Variants in RAD51B observed in about 807,000 individuals in gnomAD.
RAD51B encodes the protein DNA repair protein RAD51 homolog 2.
In RAD51B, 38 loss-of-function variants were observed where a neutral mutation model predicts 42.2. That is an observed-to-expected ratio of 0.90 (90% CI 0.70 to 1.18). RAD51B has a LOEUF of 1.18. Ranked by LOEUF, RAD51B falls within the 50% of genes most tolerant of loss-of-function variation. The probability of loss-of-function intolerance (pLI) is 0.00; values close to 1 mark genes in which losing one functional copy is unlikely to be tolerated. For synonymous variants in RAD51B, 154 were observed against 145.2 expected, an observed-to-expected ratio of 1.06 and a Z score of -0.43; for missense variants, 373 against 400.7, an observed-to-expected ratio of 0.93 and a Z score of 0.59.
intron 7 of RAD51B, among the ~76,000 whole-genome samples, chr14:68,219,362 A>G (rs1026529631): frequency 6.6e-6 from 1 of 152,168 alleles, no homozygotes; most frequent in African/African-American, 2.4e-5. Flanking sequence ...TGAAAGTGTC[A>G]CCTTCTAGCC....
intron 7 of RAD51B, among the ~76,000 whole-genome samples, chr14:67,940,344 C>G (rs2045154686): frequency 6.6e-6 from 1 of 151,696 alleles, no homozygotes; most frequent in African/African-American, 2.4e-5. Context: ...CCCAAAAGTG[C>G]TGGGATTACA....
At chr14:67,851,414 A>C (rs1302836346) in intron 4 of RAD51B, among the ~76,000 whole-genome samples, 1 of 152,080 alleles carries the variant, frequency 6.6e-6, no homozygotes. Flanking sequence ...GGTTTTCGAC[A>C]GGGCTTTGGG....
intron 8 of RAD51B, among the ~76,000 whole-genome samples, chr14:68,352,167 GATAA>G (rs1379290866): frequency 6.6e-6 from 1 of 152,162 alleles, no homozygotes; most frequent in Non-Finnish European, 1.5e-5. Context: ...CATAAAAGTG[GATAA>G]ATAAATATAA....
intron 7 of RAD51B, among the ~76,000 whole-genome samples, chr14:68,026,494 G>T (rs1450290761): frequency 6.6e-6 from 1 of 151,538 alleles, no homozygotes; most frequent in South Asian, 2.1e-4. Context: ...CTTTTCATAG[G>T]TCAAGAAGAA....
At chr14:68,682,880 T>A (rs1893462532) in intron 11 of RAD51B, 2 of 925,112 alleles carry the variant, frequency 2.2e-6, no homozygotes, top group Admixed American at 1.2e-4. Context: ...CAAGGCTTTT[T>A]TTTTTTTAAT....
chr14:68,523,225 A>G (rs1886700935), intron 10 of RAD51B, among the ~76,000 whole-genome samples: 1 of 152,178 alleles, frequency 6.6e-6, no homozygotes. Context: ...ACCAGGCATG[A>G]GGGCAGAGGA....
intron 7 of RAD51B, among the ~76,000 whole-genome samples, chr14:68,215,859 G>C (rs1480202179): frequency 6.6e-6 from 1 of 152,262 alleles, no homozygotes; most frequent in Non-Finnish European, 1.5e-5. Context: ...TTGTAACATA[G>C]AGGAACTTAC....
At chr14:68,034,433 A>G (rs1022042456) in intron 7 of RAD51B, among the ~76,000 whole-genome samples, 8 of 151,996 alleles carry the variant, frequency 5.3e-5, no homozygotes, top group African/African-American at 9.7e-5. Context: ...CACCATGCCC[A>G]GTTAATTTTG....
chr14:68,086,067 C>T (rs2076978987), intron 7 of RAD51B, among the ~76,000 whole-genome samples: 1 of 152,200 alleles, frequency 6.6e-6, no homozygotes, highest in South Asian at 2.1e-4. Context: ...TCCTGGAGTT[C>T]TTGCCTTGGT....
chr14:68,378,769 C>T (rs2083422210), intron 8 of RAD51B, among the ~76,000 whole-genome samples: 1 of 151,464 alleles, frequency 6.6e-6, no homozygotes, highest in Admixed American at 6.6e-5. Flanking sequence ...GACTATACTG[C>T]TTTTATCTGT....
intron 8 of RAD51B, among the ~76,000 whole-genome samples, chr14:68,315,406 A>G (rs2082036710): frequency 6.6e-6 from 1 of 152,246 alleles, no homozygotes; most frequent in Non-Finnish European, 1.5e-5. Context: ...CAGTCTTTGC[A>G]TGTATTGCTC....
Position 68,407,721 on chromosome 14 carries a change from A to G in RAD51B, c.854-3703A>G, listed in dbSNP as rs117132493. ...AAGACATTATTTCTGTGAAGATTAG[A>G]GAAATTGGCACATAGGAAGTAGCAT... On this transcript the variant is annotated intron_variant, in intron 8 of 10. Coordinates refer to ENST00000471583, the MANE Select transcript of RAD51B (RefSeq NM_133510.4). Among the ~76,000 whole-genome samples the G allele has an allele frequency of 3.6e-4, 55 of 152,342 alleles. 1 individual carries two copies. The East Asian group carries it at 8.9e-3, about 25-fold the overall frequency.
chr14:68,374,182 G>A (rs558057728), intron 8 of RAD51B, among the ~76,000 whole-genome samples: 1 of 152,332 alleles, frequency 6.6e-6, no homozygotes, highest in South Asian at 2.1e-4. Flanking sequence ...CGTTGGAGCA[G>A]AGAGCAAGTC....
chr14:67,868,135 G>C (rs1038843865), intron 5 of RAD51B, among the ~76,000 whole-genome samples: 1 of 152,186 alleles, frequency 6.6e-6, no homozygotes. Flanking sequence ...CATGAGCGAC[G>C]CAGAAGATGG....
intron 7 of RAD51B, among the ~76,000 whole-genome samples, chr14:67,894,840 C>T (rs147788311): frequency 3.5e-4 from 53 of 152,266 alleles, no homozygotes; most frequent in African/African-American, 1.2e-3. Context: ...AGTGCAATGG[C>T]GTGGTCATAG....
At chr14:67,982,257 T>C (rs2075108269) in intron 7 of RAD51B, among the ~76,000 whole-genome samples, 1 of 152,152 alleles carries the variant, frequency 6.6e-6, no homozygotes. Flanking sequence ...TTTAAATATG[T>C]GCAGCTTTTT....
At chr14:68,052,002 AT>A (rs1410280989) in intron 7 of RAD51B, among the ~76,000 whole-genome samples, 4 of 152,198 alleles carry the variant, frequency 2.6e-5, no homozygotes, top group African/African-American at 9.7e-5. Context: ...GCATTTTGAC[AT>A]GTAAATTGTA....
At chr14:67,955,869 T>C (rs1432768942) in intron 7 of RAD51B, among the ~76,000 whole-genome samples, 1 of 152,144 alleles carries the variant, frequency 6.6e-6, no homozygotes, top group Non-Finnish European at 1.5e-5. Flanking sequence ...TTTGGACAGA[T>C]GAAGATGGGA....
intron 7 of RAD51B, among the ~76,000 whole-genome samples, chr14:67,970,306 T>C (rs1251221178): frequency 6.6e-6 from 1 of 152,138 alleles, no homozygotes; most frequent in Admixed American, 6.5e-5. Context: ...GCATAGGTCA[T>C]TTGGAATTGC....
Sources: gnomAD v4.1 joint callset for allele counts (sites outside exome capture counted in the v4.1 genomes callset) on GRCh38, gnomAD v4.1.1 for gene constraint, MANE v1.5 for transcripts, NCBI Gene and HGNC (gene_info 2026-07-23, HGNC 2026-07-21) for gene names.